PLB1: variants seen among roughly 807,000 people sequenced by gnomAD.
PLB1 encodes phospholipase B1, also known as phospholipase B1, membrane-associated.
PLB1 carries 242 observed loss-of-function variants against 227.4 expected under a neutral mutation model. The ratio of observed to expected loss-of-function variants is 1.06; its 90% confidence interval spans 0.96 to 1.18. PLB1 has a LOEUF of 1.18. PLB1 is among the 50% of genes most tolerant of loss of function. The pLI, the probability that PLB1 is intolerant of heterozygous loss-of-function variation, is 0.00. For synonymous variants in PLB1, 757 were observed against 682.2 expected (o/e 1.11, Z -1.71); for missense variants, 1,858 against 1,816.3 (o/e 1.02, Z -0.42).
chr2:28,528,333 C>G (rs72792984), intron 6 of PLB1, among the ~76,000 whole-genome samples: 16,759 of 152,214 alleles, frequency 0.11, 1,233 homozygotes, highest in East Asian at 0.35. Context: ...TCCCATGACA[C>G]TCTCTCCCCG....
At chr2:28,562,558 A>AAAAAAAAAAAAAAAAAAAAAAAAAG (rs1261725245) in intron 17 of PLB1, among the ~76,000 whole-genome samples, 1 of 147,658 alleles carries the variant, frequency 6.8e-6, no homozygotes, top group Non-Finnish European at 1.5e-5. Flanking sequence ...AAAAAAAAAA[A>AAAAAAAAAAAAAAAAAAAAAAAAAG]AGTCAGTGGC....
At chr2:28,518,988 C>T (rs1669174294) in intron 3 of PLB1, among the ~76,000 whole-genome samples, 1 of 152,168 alleles carries the variant, frequency 6.6e-6, no homozygotes, top group Non-Finnish European at 1.5e-5. Flanking sequence ...TTGTACTATT[C>T]TGCCTTGACT....
chr2:28,504,180 T>C (rs1448853627), intron 1 of PLB1, among the ~76,000 whole-genome samples: 1 of 152,194 alleles, frequency 6.6e-6, no homozygotes, highest in Non-Finnish European at 1.5e-5. Context: ...GCTCACTCCA[T>C]GTACCATGTC....
intron 21 of PLB1, among the ~76,000 whole-genome samples, chr2:28,575,254 T>A (rs1451548677): frequency 6.6e-6 from 1 of 152,260 alleles, no homozygotes; most frequent in Non-Finnish European, 1.5e-5. Flanking sequence ...TGCATTTCCC[T>A]GACACTTTTG....
chr2:28,565,486 G>A (rs1280071243), intron 19 of PLB1, 133 bp downstream of exon 19: 11 of 737,138 alleles, frequency 1.5e-5, no homozygotes, highest in South Asian at 2.0e-5. Context: ...CAACTTCTAG[G>A]TTTAATTTGA....
intron 56 of PLB1, among the ~76,000 whole-genome samples, chr2:28,636,019 A>ATG (rs540787508): frequency 5.1e-5 from 5 of 98,284 alleles, no homozygotes; most frequent in Non-Finnish European, 9.2e-5. Context: ...GTATGTATGA[A>ATG]TGTGTGTGTA....
chr2:28,540,516 G>C, intron 12 of PLB1, 75 bp downstream of exon 12: 1 of 1,224,434 alleles, frequency 8.2e-7, no homozygotes. Flanking sequence ...GGAGTGATAG[G>C]GACAATTAGT....
At position 28,560,038 on chromosome 2, in the gene PLB1, C is replaced by T. The variant is rs551486537; in HGVS notation, c.1148-3003C>T. Among the ~76,000 whole-genome samples the T allele has an allele frequency of 1.1e-4, 17 of 152,242 alleles. 1 individual carries two copies. The East Asian group carries it at 1.4e-3, about 12-fold the overall frequency. On this transcript the variant is annotated intron_variant, in intron 17 of 57. Transcript: ENST00000327757. ...AAGTGCTGGGATTGTAATCTGGTCACGCTACAGGCTTTATAAACTGTCTTT... is the reference window on the plus strand; with the variant it reads ...AAGTGCTGGGATTGTAATCTGGTCATGCTACAGGCTTTATAAACTGTCTTT...
intron 3 of PLB1, 46 bp from the exon 4 acceptor site, chr2:28,519,659 G>T: frequency 7.0e-7 from 1 of 1,421,724 alleles, no homozygotes; most frequent in South Asian, 1.2e-5. Flanking sequence ...CCGACATCAT[G>T]GGGAATGTAG....
Position 28,582,439 on chromosome 2 carries a change from T to C in PLB1, c.1667T>C (p.Leu556Pro). ...PRAFVNLVTV[L>P]EIVNLRELYQ... ...GCATTTGTGAACCTGGTGACGGTGC[T>C]TGAGATCGTCAACCTGAGGGAGCTG... The change falls in exon 25 of 58, where the codon CTT becomes CCT. Residue 556 changes from leucine (L) to proline (P), a missense_variant. Leu to Pro is a moderately conservative substitution (Grantham distance 98). Transcript: ENST00000327757. 6.2e-7 allele frequency: 1 copy of C among 1,613,434 alleles called. No homozygotes were observed. Among genetic ancestry groups the C allele is most frequent in the Admixed American group, 1.7e-5 (1 of 59,972 alleles).
chr2:28,518,845 C>T (rs895732584), intron 3 of PLB1, among the ~76,000 whole-genome samples: 1 of 152,184 alleles, frequency 6.6e-6, no homozygotes, highest in African/African-American at 2.4e-5. Context: ...AGCTCTGGAC[C>T]TTTTTCCCCA....
chr2:28,640,842 G>C (rs991766663), intron 56 of PLB1, 85 bp from the exon 57 acceptor site: 32 of 1,380,078 alleles, frequency 2.3e-5, no homozygotes, highest in Non-Finnish European at 2.9e-5. Flanking sequence ...TCCCGAGGGA[G>C]GGGCTCTGGT....
intron 13 of PLB1, among the ~76,000 whole-genome samples, chr2:28,542,065 A>G (rs1240934619): frequency 6.6e-6 from 1 of 151,588 alleles, no homozygotes. Flanking sequence ...CCTGGGAGGC[A>G]GAGGCTTCAG....
intron 56 of PLB1, among the ~76,000 whole-genome samples, chr2:28,636,043 A>ATG (rs138091852): frequency 0.31 from 45,195 of 145,756 alleles, 7,226 homozygotes; most frequent in Non-Finnish European, 0.37. Context: ...GTGTGTGTGT[A>ATG]TGTATGTGTA....
chr2:28,515,371 C>T (rs1334139174), intron 1 of PLB1, among the ~76,000 whole-genome samples: 1 of 152,220 alleles, frequency 6.6e-6, no homozygotes, highest in Non-Finnish European at 1.5e-5. Context: ...CACCACTTCC[C>T]TGGCCTCCAG....
Position 28,548,948 on chromosome 2 carries a change from A to G in PLB1, c.1008+17A>G. The G allele has an allele frequency of 6.2e-7, 1 of 1,612,762 alleles. No homozygotes were observed. The highest frequency in any genetic ancestry group is 8.5e-7 in the Non-Finnish European group (1 of 1,178,814). On this transcript the variant is annotated intron_variant, in intron 15 of 57. Coordinates refer to ENST00000327757, the MANE Select transcript of PLB1 (RefSeq NM_153021.5). ...CCCTCTCAGGTAGGAGGGACTGGGC[A>G]GAGGAGGGACTCTTATTGAATCGAG...
chr2:28,630,160 C>T (rs1489823304), intron 53 of PLB1, among the ~76,000 whole-genome samples: 1 of 152,144 alleles, frequency 6.6e-6, no homozygotes, highest in Middle Eastern at 3.2e-3. Flanking sequence ...GCTGAGAGGC[C>T]CCCGGAACTT....
In PLB1 at chr2:28,629,131, A is replaced by C; in HGVS notation, c.3764A>C (p.Glu1255Ala). The C allele has an allele frequency of 3.1e-6, 5 of 1,613,906 alleles. No individual in the cohort carries two copies. Among genetic ancestry groups the C allele is most frequent in the Non-Finnish European group, 4.2e-6 (5 of 1,179,922 alleles). The change falls in exon 53 of 58, where the codon GAG becomes GCG. Residue 1255 changes from glutamate to alanine, a missense_variant. Physicochemically the swap from Glu to Ala is moderately radical, Grantham distance 107 (BLOSUM62 -1). Transcript: ENST00000327757. ...RAFVNVVEVM[E>A]LASLYQGQGG... ...TTCGTCAACGTGGTGGAGGTCATGG[A>C]GCTGGCTAGCCTGTACCAGGGCCAA...
chr2:28,505,745 T>C (rs888574666), intron 1 of PLB1, among the ~76,000 whole-genome samples: 2 of 152,218 alleles, frequency 1.3e-5, no homozygotes, highest in Non-Finnish European at 2.9e-5. Flanking sequence ...AAATACAGTC[T>C]TTCTAAATAA....
Sources: gnomAD v4.1 joint callset for allele counts (sites outside exome capture counted in the v4.1 genomes callset) on GRCh38, gnomAD v4.1.1 for gene constraint, MANE v1.5 for transcripts, NCBI Gene and HGNC (gene_info 2026-07-23, HGNC 2026-07-21) for gene names.